Variants in CNTN4 observed in about 807,000 individuals in gnomAD.
CNTN4 encodes contactin-4.
Under a neutral mutation model 122.5 loss-of-function variants are expected in CNTN4, and 77 were observed. That is an observed-to-expected ratio of 0.63 (90% CI 0.52 to 0.76). CNTN4 has a LOEUF of 0.76. Ranked by LOEUF, CNTN4 falls within the 30% of genes least tolerant of loss-of-function variation. CNTN4 has a pLI of 0.00. For missense variants in CNTN4, 1,256 were observed against 1,259.1 expected (o/e 1.00, Z 0.04); for synonymous variants, 512 against 447.0 (o/e 1.15, Z -1.83).
intron 23 of CNTN4, among the ~76,000 whole-genome samples, chr3:3,048,185 G>A (rs906514149): frequency 1.3e-4 from 20 of 151,882 alleles, no homozygotes; most frequent in Admixed American, 5.9e-4. Flanking sequence ...AAAGCTACAG[G>A]TATCCACAGG....
At chr3:2,816,911 T>C (rs549834326) in intron 6 of CNTN4, among the ~76,000 whole-genome samples, 1 of 141,020 alleles carries the variant, frequency 7.1e-6, no homozygotes, top group East Asian at 2.1e-4. Context: ...AATAAATAAA[T>C]AAAAATATAT....
chr3:2,436,328 A>G (rs151235455), intron 3 of CNTN4, among the ~76,000 whole-genome samples: 184 of 152,240 alleles, frequency 1.2e-3, no homozygotes, highest in African/African-American at 4.4e-3. Flanking sequence ...AGTTGTAGGC[A>G]TCTCTCACAA....
intron 4 of CNTN4, among the ~76,000 whole-genome samples, chr3:2,628,054 C>T (rs73112509): frequency 0.23 from 34,930 of 152,064 alleles, 4,167 homozygotes; most frequent in African/African-American, 0.3. Context: ...GCTGAACTGG[C>T]TTCTATAGCT....
At chr3:2,938,896 A>T (rs1267770608) in intron 13 of CNTN4, among the ~76,000 whole-genome samples, 2 of 152,200 alleles carry the variant, frequency 1.3e-5, no homozygotes, top group African/African-American at 4.8e-5. Context: ...TTCAAACCAA[A>T]GTGGCATGTC....
At chr3:2,272,270 T>C (rs2041328674) in intron 2 of CNTN4, among the ~76,000 whole-genome samples, 1 of 152,146 alleles carries the variant, frequency 6.6e-6, no homozygotes, top group South Asian at 2.1e-4. Flanking sequence ...AATCCCAGTT[T>C]CTTAAAATGG....
chr3:2,500,234 CTTCT>C (rs1263480559), intron 3 of CNTN4, among the ~76,000 whole-genome samples: 1 of 152,002 alleles, frequency 6.6e-6, no homozygotes, highest in Non-Finnish European at 1.5e-5. Context: ...CTTGAATCAC[CTTCT>C]TTCTGAGGCC....
intron 2 of CNTN4, among the ~76,000 whole-genome samples, chr3:2,298,522 A>C (rs972122806): frequency 6.6e-6 from 1 of 151,802 alleles, no homozygotes; most frequent in Non-Finnish European, 1.5e-5. Flanking sequence ...CTGTCCCCCG[A>C]CTCTTGCCTC....
chr3:2,496,639 G>C (rs2076459464), intron 3 of CNTN4, among the ~76,000 whole-genome samples: 1 of 151,942 alleles, frequency 6.6e-6, no homozygotes, highest in South Asian at 2.1e-4. Context: ...TGAAGGTAAG[G>C]GTTTCAGAAA....
Position 2,245,533 on chromosome 3 carries a change from T to C in CNTN4, c.-144-93645T>C, listed in dbSNP as rs144569019. ...ATACTTAATTTTCCAATAACTCCTA[T>C]TGCATTGAAACTGTTGCAACTATTC... On this transcript the variant is annotated intron_variant, in intron 2 of 24. Transcript: ENST00000418658. Among the ~76,000 whole-genome samples the C allele has an allele frequency of 2.1e-3, 314 of 152,172 alleles. 1 individual carries two copies. The highest frequency in any genetic ancestry group is 7.2e-3 in the African/African-American group (301 of 41,540).
chr3:2,567,111 A>T, intron 3 of CNTN4, among the ~76,000 whole-genome samples: 1 of 134,342 alleles, frequency 7.4e-6, no homozygotes, highest in African/African-American at 2.8e-5. Context: ...TTTCAGACGG[A>T]GTCTTGCTCA....
At chr3:2,541,067 C>A (rs1034511377) in intron 3 of CNTN4, among the ~76,000 whole-genome samples, 1 of 152,144 alleles carries the variant, frequency 6.6e-6, no homozygotes, top group Admixed American at 6.6e-5. Flanking sequence ...ATCTCCAAGT[C>A]TAATCTCCTA....
At chr3:2,708,006 T>G (rs2086846085) in intron 4 of CNTN4, among the ~76,000 whole-genome samples, 1 of 152,218 alleles carries the variant, frequency 6.6e-6, no homozygotes, top group Non-Finnish European at 1.5e-5. Flanking sequence ...ATTTTAAAAA[T>G]GATTACTTGT....
At chr3:2,840,736 GA>G (rs1201894538) in intron 7 of CNTN4, among the ~76,000 whole-genome samples, 1 of 151,816 alleles carries the variant, frequency 6.6e-6, no homozygotes, top group Non-Finnish European at 1.5e-5. Flanking sequence ...ATAAAAGCTG[GA>G]CGACTAGATT....
intron 4 of CNTN4, among the ~76,000 whole-genome samples, chr3:2,650,455 AT>A (rs1305498694): frequency 2.6e-5 from 4 of 152,220 alleles, no homozygotes; most frequent in African/African-American, 9.6e-5. Flanking sequence ...AACTTAGTGG[AT>A]AAAGCAGTGG....
At chr3:3,020,187 T>C (rs924183925) in intron 14 of CNTN4, among the ~76,000 whole-genome samples, 1 of 152,104 alleles carries the variant, frequency 6.6e-6, no homozygotes, top group Non-Finnish European at 1.5e-5. Context: ...TTCAAGGCCT[T>C]ATTTTCATCA....
At chr3:2,115,755 C>T (rs2033306637) in intron 2 of CNTN4, among the ~76,000 whole-genome samples, 1 of 152,204 alleles carries the variant, frequency 6.6e-6, no homozygotes, top group South Asian at 2.1e-4. Flanking sequence ...CATGTTATTT[C>T]TTTTAAAAGC....
chr3:2,889,453 A>C (rs2094013983), intron 10 of CNTN4, among the ~76,000 whole-genome samples: 1 of 152,160 alleles, frequency 6.6e-6, no homozygotes, highest in Admixed American at 6.5e-5. Context: ...ATGGGTTGTA[A>C]AGCAAAAGAC....
At chr3:2,555,133 T>C (rs563924352) in intron 3 of CNTN4, among the ~76,000 whole-genome samples, 4 of 152,384 alleles carry the variant, frequency 2.6e-5, no homozygotes, top group African/African-American at 9.6e-5. Context: ...TTTGGATATC[T>C]ATATAGATTG....
At chr3:2,176,250 C>T (rs2036743522) in intron 2 of CNTN4, among the ~76,000 whole-genome samples, 1 of 152,128 alleles carries the variant, frequency 6.6e-6, no homozygotes, top group Admixed American at 6.5e-5. Context: ...GTCAGGGCTT[C>T]ACTTGATATA....
Sources: gnomAD v4.1 joint callset for allele counts (sites outside exome capture counted in the v4.1 genomes callset) on GRCh38, gnomAD v4.1.1 for gene constraint, MANE v1.5 for transcripts, NCBI Gene and HGNC (gene_info 2026-07-23, HGNC 2026-07-21) for gene names.